DCC: variants seen among roughly 807,000 people sequenced by gnomAD.
The protein encoded by DCC is netrin receptor DCC.
Under a neutral mutation model 172.5 loss-of-function variants are expected in DCC, and 58 were observed. The observed-to-expected ratio is 0.34, with a 90% CI of 0.27 to 0.42. DCC has a LOEUF of 0.42. Among genes scored for constraint, DCC ranks in the 10% least tolerant of loss-of-function variants. DCC has a pLI of 1.00. For synonymous variants in DCC, 709 were observed against 644.5 expected (o/e 1.10, Z -1.52); for missense variants, 1,740 against 1,791.0 (o/e 0.97, Z 0.51).
intron 5 of DCC, among the ~76,000 whole-genome samples, chr18:53,022,659 G>T (rs1041623372): frequency 5.9e-5 from 9 of 151,842 alleles, no homozygotes; most frequent in African/African-American, 2.2e-4. Context: ...AGATCATAAT[G>T]TGTCACTAGT....
chr18:53,411,766 T>C (rs11082994), intron 20 of DCC, among the ~76,000 whole-genome samples: 65,562 of 151,930 alleles, frequency 0.43, 15,975 homozygotes, highest in Non-Finnish European at 0.56. Context: ...GGAGTAGAAG[T>C]TGGGAGGAAA....
At chr18:53,105,422 A>G (rs927152538) in intron 7 of DCC, among the ~76,000 whole-genome samples, 1 of 151,960 alleles carries the variant, frequency 6.6e-6, no homozygotes, top group African/African-American at 2.4e-5. Flanking sequence ...TTTAGCCCCA[A>G]ATTTACAAAC....
chr18:53,295,879 C>G (rs563526931), intron 12 of DCC, among the ~76,000 whole-genome samples: 4 of 152,254 alleles, frequency 2.6e-5, no homozygotes, highest in South Asian at 2.1e-4. Flanking sequence ...TTCAATAATT[C>G]ACCAAATCCT....
At chr18:52,474,242 GAAA>G (rs1989031227) in intron 1 of DCC, among the ~76,000 whole-genome samples, 1 of 54,164 alleles carries the variant, frequency 1.8e-5, no homozygotes, top group South Asian at 4.9e-4. Flanking sequence ...GAGAGAGAGA[GAAA>G]GAGAGAGAAG....
intron 1 of DCC, among the ~76,000 whole-genome samples, chr18:52,448,348 C>A (rs1351831191): frequency 1.3e-5 from 2 of 152,172 alleles, no homozygotes; most frequent in Non-Finnish European, 2.9e-5. Flanking sequence ...AGGTCAGAGA[C>A]TGCTGCTCTA....
chr18:52,467,053 AAT>A (rs558844229), intron 1 of DCC, among the ~76,000 whole-genome samples: 7,411 of 150,750 alleles, frequency 0.049, 240 homozygotes, highest in South Asian at 0.12. Context: ...TTAAAAAAAA[AAT>A]ATATATATAT....
At chr18:52,545,983 C>T (rs78575183) in intron 1 of DCC, among the ~76,000 whole-genome samples, 2,891 of 152,256 alleles carry the variant, frequency 0.019, 104 homozygotes, top group African/African-American at 0.066. Context: ...CAATGCCCGT[C>T]ATTTAAGTGT....
At chr18:52,739,567 C>T (rs1284237509) in intron 1 of DCC, among the ~76,000 whole-genome samples, 1 of 152,154 alleles carries the variant, frequency 6.6e-6, no homozygotes, top group East Asian at 1.9e-4. Flanking sequence ...CTGAGTCTGT[C>T]ACTGCTATTC....
At chr18:52,409,966 A>G (rs1986788691) in intron 1 of DCC, among the ~76,000 whole-genome samples, 1 of 152,134 alleles carries the variant, frequency 6.6e-6, no homozygotes. Context: ...TCTCAGTGTC[A>G]AGTGAGTGTG....
In DCC at chr18:53,332,486, GT is replaced by G. The variant is rs1456409290; in HGVS notation, c.2165-7225del. On this transcript the variant is annotated intron_variant, in intron 14 of 28. Transcript: ENST00000442544. ...TGAAATGCTACATGAGCAAAAATTT[GT>G]TAAATTGATGAGTATGACACATGCA... Among the ~76,000 whole-genome samples the G allele has an allele frequency of 2.0e-5, 3 of 152,100 alleles. 1 individual carries two copies. Among genetic ancestry groups the G allele is most frequent in the Admixed American group, 6.6e-5 (1 of 15,256 alleles).
chr18:53,310,483 G>GTT (rs1386395272), intron 13 of DCC, among the ~76,000 whole-genome samples: 1 of 151,682 alleles, frequency 6.6e-6, no homozygotes, highest in Non-Finnish European at 1.5e-5. Context: ...GTGTGTATGT[G>GTT]TTTTTTTAAT....
At chr18:53,296,428 T>A (rs185862352) in intron 12 of DCC, among the ~76,000 whole-genome samples, 48 of 152,282 alleles carry the variant, frequency 3.2e-4, no homozygotes, top group African/African-American at 1.0e-3. Context: ...TGTACCATAA[T>A]CCTACGAGGG....
At chr18:53,270,807 A>G (rs1041761992) in intron 12 of DCC, among the ~76,000 whole-genome samples, 1 of 152,158 alleles carries the variant, frequency 6.6e-6, no homozygotes, top group Non-Finnish European at 1.5e-5. Context: ...TTAAGGCTTT[A>G]TTCATAATTT....
chr18:53,467,173 T>C (rs1328113692), intron 24 of DCC, among the ~76,000 whole-genome samples: 2 of 152,108 alleles, frequency 1.3e-5, no homozygotes, highest in African/African-American at 4.8e-5. Context: ...TACTTATATA[T>C]ATATATATTC....
At chr18:53,430,943 A>G (rs1188781557) in intron 21 of DCC, among the ~76,000 whole-genome samples, 1 of 152,160 alleles carries the variant, frequency 6.6e-6, no homozygotes, top group African/African-American at 2.4e-5. Flanking sequence ...AAAAAGGGAT[A>G]AAAAGAAGAT....
intron 12 of DCC, among the ~76,000 whole-genome samples, chr18:53,218,518 G>A (rs2055886368): frequency 6.6e-6 from 1 of 151,936 alleles, no homozygotes; most frequent in Non-Finnish European, 1.5e-5. Flanking sequence ...AACCCAGTAT[G>A]GTAGAATATT....
intron 1 of DCC, among the ~76,000 whole-genome samples, chr18:52,514,315 T>G (rs16955130): frequency 0.29 from 43,426 of 151,950 alleles, 6,318 homozygotes; most frequent in African/African-American, 0.32. Context: ...TGCTTAGACA[T>G]GGTTTTTTTT....
At chr18:52,970,111 C>T (rs1398105471) in intron 5 of DCC, among the ~76,000 whole-genome samples, 1 of 152,004 alleles carries the variant, frequency 6.6e-6, no homozygotes, top group Non-Finnish European at 1.5e-5. Context: ...ACATATAAAT[C>T]TTAAATGCTC....
intron 1 of DCC, among the ~76,000 whole-genome samples, chr18:52,539,789 A>C (rs2032387698): frequency 1.3e-5 from 2 of 152,198 alleles, no homozygotes; most frequent in Non-Finnish European, 2.9e-5. Flanking sequence ...AAACAGGATA[A>C]CTATGCAAGA....
Sources: gnomAD v4.1 joint callset for allele counts (sites outside exome capture counted in the v4.1 genomes callset) on GRCh38, gnomAD v4.1.1 for gene constraint, MANE v1.5 for transcripts, NCBI Gene and HGNC (gene_info 2026-07-23, HGNC 2026-07-21) for gene names.